Variants in IFT57 observed in about 807,000 individuals in gnomAD.
IFT57 encodes intraflagellar transport 57, also known as intraflagellar transport protein 57 homolog.
IFT57 carries 59 observed loss-of-function variants against 56.8 expected under a neutral mutation model. The ratio of observed to expected loss-of-function variants is 1.04; its 90% CI spans 0.84 to 1.29. The LOEUF is 1.29. IFT57 is among the 50% of genes most tolerant of loss of function. The pLI is 0.00. For missense variants in IFT57, 470 were observed against 522.1 expected (o/e 0.90, Z 0.97); for synonymous variants, 209 against 186.1 (o/e 1.12, Z -1.00).
intron 4 of IFT57, among the ~76,000 whole-genome samples, chr3:108,208,210 A>G (rs2108324910): frequency 6.6e-6 from 1 of 152,322 alleles, no homozygotes; most frequent in South Asian, 2.1e-4. Context: ...GTGGGGTAGT[A>G]GGACAGAAGT....
At position 108,206,046 on chromosome 3, in the gene IFT57, ATT is replaced by A. The variant is rs1165217099; in HGVS notation, c.654+580_654+581del. On this transcript the variant is annotated intron_variant, in intron 5 of 10. Coordinates refer to ENST00000264538, the MANE Select transcript of IFT57 (RefSeq NM_018010.4). The stretch of plus-strand genomic sequence containing the variant: ...ATATTGTATATTATTTATAATATAT[ATT>A]ATATATTATTTATATATAATAATAT... Among the ~76,000 whole-genome samples the A allele has an allele frequency of 5.5e-4, 58 of 104,644 alleles. 2 individuals are homozygous for A. In the East Asian group the frequency reaches 0.015, roughly 27 times the overall value. The allele number at this position is 104,644 out of a possible 152,430, so 68.7% of individuals were successfully genotyped here.
intron 3 of IFT57, among the ~76,000 whole-genome samples, chr3:108,216,667 T>G (rs2080374672): frequency 6.6e-6 from 1 of 152,216 alleles, no homozygotes; most frequent in South Asian, 2.1e-4. Context: ...GTTAGAGATA[T>G]CTGCACTCCC....
At chr3:108,181,003 A>C (rs1222759366) in intron 6 of IFT57, among the ~76,000 whole-genome samples, 1 of 152,000 alleles carries the variant, frequency 6.6e-6, no homozygotes, top group Admixed American at 6.6e-5. Context: ...TATAACATGA[A>C]GTCTATTGGT....
At chr3:108,182,538 A>G (rs1257056510) in intron 6 of IFT57, among the ~76,000 whole-genome samples, 1 of 152,166 alleles carries the variant, frequency 6.6e-6, no homozygotes, top group African/African-American at 2.4e-5. Flanking sequence ...TGACTCTTCC[A>G]GAAATGTTTC....
At chr3:108,166,129 A>C (rs2108307571) in intron 8 of IFT57, among the ~76,000 whole-genome samples, 1 of 152,160 alleles carries the variant, frequency 6.6e-6, no homozygotes, top group African/African-American at 2.4e-5. Flanking sequence ...GAAAGTATAG[A>C]AGTATCTCAA....
rs192053464 is a variant in IFT57 at position 108,222,316 on chromosome 3, C to T, written c.7G>A (p.Ala3Thr). 7.9e-4 allele frequency: 1,272 copies of T among 1,609,736 alleles called. 16 individuals are homozygous for T. In the Admixed American group the frequency reaches 0.021, roughly 26 times the overall value. Residue 3 changes from alanine to threonine, a missense_variant, in exon 1 of 11, where the codon GCT becomes ACT. Transcript: ENST00000264538. ...GACGTCGTGACGACGGCCAGAGCAGCAGTCATCGCAGAACGGACAGAGTCC... is the reference window on the plus strand; with the variant it reads ...GACGTCGTGACGACGGCCAGAGCAGTAGTCATCGCAGAACGGACAGAGTCC... MT[A>T]ALAVVTTSGL...
chr3:108,212,847 T>G (rs2080350411), intron 4 of IFT57, among the ~76,000 whole-genome samples: 2 of 152,130 alleles, frequency 1.3e-5, no homozygotes, highest in African/African-American at 4.8e-5. Flanking sequence ...AATTGGTTTA[T>G]GACAGCAAAA....
chr3:108,186,053 G>A (rs907275574), intron 6 of IFT57, among the ~76,000 whole-genome samples: 1 of 152,016 alleles, frequency 6.6e-6, no homozygotes, highest in Non-Finnish European at 1.5e-5. Flanking sequence ...TAGTAGATTG[G>A]GGGTCATAAG....
chr3:108,222,330 C>G lies in IFT57; in HGVS notation c.-8G>C, dbSNP rs1174974553. 2 of 1,602,556 alleles carry G rather than the reference C, an allele frequency of 1.2e-6. No individual in the cohort carries two copies. The highest frequency in any genetic ancestry group is 1.7e-6 in the Non-Finnish European group (2 of 1,173,870). On this transcript the variant is annotated 5_prime_UTR_variant, in exon 1 of 11. Coordinates refer to ENST00000264538, the MANE Select transcript of IFT57 (RefSeq NM_018010.4). ...GGCCAGAGCAGCAGTCATCGCAGAACGGACAGAGTCCAGCGTGGGCTCAGG... is the reference window on the plus strand; with the variant it reads ...GGCCAGAGCAGCAGTCATCGCAGAAGGGACAGAGTCCAGCGTGGGCTCAGG...
intron 6 of IFT57, among the ~76,000 whole-genome samples, chr3:108,187,829 ATTTCTTTTCT>A (rs141518826): frequency 4.6e-5 from 7 of 151,564 alleles, no homozygotes; most frequent in Admixed American, 2.6e-4. Flanking sequence ...AAAATAATAC[ATTTCTTTTCT>A]TTTCTTTTCT....
rs1206877656 is a variant in IFT57 at position 108,205,968 on chromosome 3, A to ATAT, written c.654+657_654+659dup. Among the ~76,000 whole-genome samples, 550 of 78,472 alleles carry ATAT rather than the reference A, an allele frequency of 7.0e-3. 3 individuals carry two copies. The highest frequency in any genetic ancestry group is 0.022 in the African/African-American group (522 of 23,370). 51.5% of individuals were successfully genotyped at this position (78,472 alleles called of 152,430 possible). ...AGTTTATAATATATAAATATATTATATATTTATATATAATATATAATATAT... is the reference window on the plus strand; with the variant it reads ...AGTTTATAATATATAAATATATTATATATTATTTATATATAATATATAATATAT... On this transcript the variant is annotated intron_variant, in intron 5 of 10. Coordinates refer to ENST00000264538, the MANE Select transcript of IFT57 (RefSeq NM_018010.4).
At chr3:108,202,242 T>C (rs1333226423) in intron 5 of IFT57, among the ~76,000 whole-genome samples, 2 of 152,144 alleles carry the variant, frequency 1.3e-5, no homozygotes, top group Admixed American at 1.3e-4. Flanking sequence ...CGTGATTCTG[T>C]TGAGTTTCAC....
At position 108,206,962 on chromosome 3, in the gene IFT57, G is replaced by C. The variant is rs149207270; in HGVS notation, c.586-266C>G. Among the ~76,000 whole-genome samples the C allele has an allele frequency of 4.6e-3, 700 of 152,158 alleles. 3 individuals are homozygous for C. The highest frequency in any genetic ancestry group is 0.016 in the African/African-American group (664 of 41,518). Reference sequence around the variant, plus strand: ...AAGAAAGGAAAAAAACTGGGGGAGGGAAAGGAAGGGAGCCATTGCTATAGA... The same window carrying C: ...AAGAAAGGAAAAAAACTGGGGGAGGCAAAGGAAGGGAGCCATTGCTATAGA... On this transcript the variant is annotated intron_variant, in intron 4 of 10. Coordinates refer to ENST00000264538, the MANE Select transcript of IFT57 (RefSeq NM_018010.4).
chr3:108,213,303 T>C (rs1002078262), intron 4 of IFT57, among the ~76,000 whole-genome samples: 5 of 152,104 alleles, frequency 3.3e-5, no homozygotes, highest in African/African-American at 9.7e-5. Flanking sequence ...AGTTTGTTTT[T>C]TCCCCCAACC....
chr3:108,214,341 T>C (rs2080359193), intron 3 of IFT57, among the ~76,000 whole-genome samples: 1 of 152,294 alleles, frequency 6.6e-6, no homozygotes, highest in African/African-American at 2.4e-5. Flanking sequence ...CATTGAACAA[T>C]CAATACCATA....
chr3:108,181,655 G>A lies in IFT57; in HGVS notation c.777+9866C>T, dbSNP rs544418012. Among the ~76,000 whole-genome samples, 8 of 152,180 alleles carry A rather than the reference G, an allele frequency of 5.3e-5. No individual in the cohort carries two copies. In the South Asian group the frequency reaches 1.7e-3, roughly 32 times the overall value. ...CAGGTGTTTCAAGGATAAATTTGCTGAAAATTGTATTTTGTTTAAACAGCA... is the reference window on the plus strand; with the variant it reads ...CAGGTGTTTCAAGGATAAATTTGCTAAAAATTGTATTTTGTTTAAACAGCA... On this transcript the variant is annotated intron_variant, in intron 6 of 10. Coordinates refer to ENST00000264538, the MANE Select transcript of IFT57 (RefSeq NM_018010.4).
intron 5 of IFT57, among the ~76,000 whole-genome samples, chr3:108,201,404 CT>C (rs1448325263): frequency 1.3e-5 from 2 of 152,176 alleles, no homozygotes; most frequent in African/African-American, 2.4e-5. Flanking sequence ...AGAAGCAGAG[CT>C]TTTTTCTCTA....
At chr3:108,205,979 TAA>T (rs2080309322) in intron 5 of IFT57, among the ~76,000 whole-genome samples, 2 of 55,078 alleles carry the variant, frequency 3.6e-5, no homozygotes, top group Non-Finnish European at 9.6e-5. Flanking sequence ...TATTTATATA[TAA>T]TATATAATAT....
Position 108,189,385 on chromosome 3 carries a change from T to G in IFT57, c.777+2136A>C, listed in dbSNP as rs562257098. 5.3e-5 allele frequency among the ~76,000 whole-genome samples: 8 copies of G among 152,312 alleles called. No homozygotes were observed. The South Asian group carries it at 1.7e-3, about 32-fold the overall frequency. On this transcript the variant is annotated intron_variant, in intron 6 of 10. Transcript: ENST00000264538. ...CTTCCTACCTGCTCTGAGACACAGT[T>G]GTACAAGCTCAAATGGAGACATTCT...
Sources: gnomAD v4.1 joint callset for allele counts (sites outside exome capture counted in the v4.1 genomes callset) on GRCh38, gnomAD v4.1.1 for gene constraint, MANE v1.5 for transcripts, NCBI Gene and HGNC (gene_info 2026-07-23, HGNC 2026-07-21) for gene names.